The following SYTL3 variants were observed in gnomAD, a reference collection of about 807,000 sequenced individuals.
The protein encoded by SYTL3 is synaptotagmin like 3, also known as synaptotagmin-like protein 3.
A neutral mutation model predicts 82.1 loss-of-function variants in SYTL3; 88 were observed. That is an observed-to-expected ratio of 1.07 (90% CI 0.90 to 1.28). SYTL3 has a LOEUF of 1.28. Among genes scored for constraint, SYTL3 ranks in the 50% most tolerant of loss-of-function variants. SYTL3 has a pLI of 0.00. For missense variants in SYTL3, 831 were observed against 757.6 expected, an observed-to-expected ratio of 1.10 and a Z score of -1.14; for synonymous variants, 311 against 289.4, an observed-to-expected ratio of 1.07 and a Z score of -0.76.
chr6:158,649,362 G>C (rs1787735870), upstream of SYTL3, among the ~76,000 whole-genome samples: 1 of 152,246 alleles, frequency 6.6e-6, no homozygotes, highest in African/African-American at 2.4e-5. Context: ...GAGGTTGCTG[G>C]AGCAGCCTGT....
intron 12 of SYTL3, among the ~76,000 whole-genome samples, chr6:158,747,834 G>T (rs1312289620): frequency 1.3e-5 from 2 of 151,848 alleles, no homozygotes; most frequent in Non-Finnish European, 2.9e-5. Context: ...TTTACCAGAG[G>T]CTTTTTGTTA....
chr6:158,692,395 C>T (rs1013015867), intron 6 of SYTL3, among the ~76,000 whole-genome samples: 1 of 151,014 alleles, frequency 6.6e-6, no homozygotes, highest in Non-Finnish European at 1.5e-5. Flanking sequence ...TTAACATAGC[C>T]TCTGATAATG....
chr6:158,734,691 G>A (rs1477168768), intron 11 of SYTL3, among the ~76,000 whole-genome samples: 12 of 151,464 alleles, frequency 7.9e-5, no homozygotes, highest in Non-Finnish European at 2.9e-5. Flanking sequence ...TCACCACCCC[G>A]ACATGCTATA....
rs1347954752 is a variant in SYTL3 at position 158,665,696 on chromosome 6, A to C, written c.329+83A>C. On this transcript the variant is annotated intron_variant, in intron 5 of 17. Transcript: ENST00000611299. Reference sequence around the variant, plus strand: ...TTTACAAACCGCTCATAAAGAGAGCACTCACTCCTCACCTTCAGCCAGTAA... The same window carrying C: ...TTTACAAACCGCTCATAAAGAGAGCCCTCACTCCTCACCTTCAGCCAGTAA... 3 of 1,032,034 alleles carry C rather than the reference A, an allele frequency of 2.9e-6. No individual in the cohort carries two copies. In the East Asian group the frequency reaches 7.9e-5, roughly 27 times the overall value. 63.9% of individuals were successfully genotyped at this position (1,032,034 alleles called of 1,614,324 possible).
At chr6:158,761,111 G>A (rs1383570053) in intron 15 of SYTL3, among the ~76,000 whole-genome samples, 2 of 152,014 alleles carry the variant, frequency 1.3e-5, no homozygotes, top group African/African-American at 4.8e-5. Flanking sequence ...GTACCTGCAG[G>A]GCTCAGACGA....
At chr6:158,685,205 T>C in intron 6 of SYTL3, among the ~76,000 whole-genome samples, 1 of 143,304 alleles carries the variant, frequency 7.0e-6, no homozygotes, top group Non-Finnish European at 1.5e-5. Flanking sequence ...TTTATGTCTC[T>C]CTCTCTCTCT....
chr6:158,685,752 A>C (rs1054548903), intron 6 of SYTL3, among the ~76,000 whole-genome samples: 1 of 152,112 alleles, frequency 6.6e-6, no homozygotes, highest in Non-Finnish European at 1.5e-5. Flanking sequence ...TGGGAGGCGG[A>C]GGTTGCTGTG....
chr6:158,652,103 T>A (rs910710724), intron 2 of SYTL3, among the ~76,000 whole-genome samples: 4 of 151,814 alleles, frequency 2.6e-5, no homozygotes, highest in African/African-American at 9.7e-5. Context: ...AATTTTTGTA[T>A]TTTTAGTATA....
chr6:158,700,756 A>G (rs1781105467), intron 6 of SYTL3, among the ~76,000 whole-genome samples: 3 of 152,280 alleles, frequency 2.0e-5, no homozygotes, highest in Non-Finnish European at 2.9e-5. Flanking sequence ...AGCTGGGACT[A>G]CAGGTGCCCG....
chr6:158,728,326 A>G (rs552749062), intron 11 of SYTL3, among the ~76,000 whole-genome samples: 2 of 147,660 alleles, frequency 1.4e-5, no homozygotes, highest in African/African-American at 5.1e-5. Context: ...TAGTCAACCT[A>G]ATACCACTTG....
chr6:158,667,660 C>T (rs1478654852), intron 5 of SYTL3, among the ~76,000 whole-genome samples: 1 of 152,164 alleles, frequency 6.6e-6, no homozygotes, highest in East Asian at 1.9e-4. Context: ...GCTTCAGGCT[C>T]ATTTCTCAAG....
intron 6 of SYTL3, among the ~76,000 whole-genome samples, chr6:158,686,843 C>G (rs796507599): frequency 2.0e-5 from 3 of 152,290 alleles, no homozygotes; most frequent in African/African-American, 7.2e-5. Context: ...AGACACAGGT[C>G]GGAAGGAAGG....
At chr6:158,754,121 G>C (rs544349711) in intron 13 of SYTL3, among the ~76,000 whole-genome samples, 2 of 152,310 alleles carry the variant, frequency 1.3e-5, no homozygotes, top group East Asian at 3.9e-4. Context: ...TCAGGTGGAT[G>C]AGGCTGTGAG....
chr6:158,736,721 G>A (rs1235267319), intron 11 of SYTL3, among the ~76,000 whole-genome samples: 2 of 150,814 alleles, frequency 1.3e-5, no homozygotes, highest in African/African-American at 4.9e-5. Context: ...CTGGGAAGTA[G>A]AGGTGGCAGT....
At chr6:158,734,831 T>A (rs2128495122) in intron 11 of SYTL3, among the ~76,000 whole-genome samples, 1 of 152,326 alleles carries the variant, frequency 6.6e-6, no homozygotes, top group African/African-American at 2.4e-5. Flanking sequence ...CTAATCATAG[T>A]TACCATTTAT....
intron 6 of SYTL3, among the ~76,000 whole-genome samples, chr6:158,697,681 T>C (rs1329568356): frequency 3.7e-5 from 5 of 136,144 alleles, no homozygotes; most frequent in Non-Finnish European, 7.8e-5. Flanking sequence ...TATAGAGAGC[T>C]CCTAGAGCCT....
At chr6:158,687,765 ATCT>A (rs1243573905) in intron 6 of SYTL3, among the ~76,000 whole-genome samples, 1 of 152,174 alleles carries the variant, frequency 6.6e-6, no homozygotes, top group Non-Finnish European at 1.5e-5. Context: ...CCCTTGGTCC[ATCT>A]TCTATTCTGT....
chr6:158,747,208 A>G (rs901575652), intron 12 of SYTL3, among the ~76,000 whole-genome samples: 5 of 151,982 alleles, frequency 3.3e-5, no homozygotes, highest in African/African-American at 1.2e-4. Flanking sequence ...GCTGGTCTTG[A>G]ACTCCTGACC....
intron 1 of SYTL3, among the ~76,000 whole-genome samples, 185 bp from the exon 2 acceptor site, chr6:158,651,568 C>A (rs1387099482): frequency 6.6e-6 from 1 of 152,038 alleles, no homozygotes; most frequent in East Asian, 1.9e-4. Flanking sequence ...AGCCTGGTGA[C>A]AGAGCGAGAC....
Sources: allele counts gnomAD v4.1 joint callset (sites outside exome capture counted in the v4.1 genomes callset), GRCh38; gene constraint gnomAD v4.1.1; transcripts MANE v1.5; gene names NCBI Gene and HGNC (gene_info 2026-07-23, HGNC 2026-07-21).